The following LSAMP variants were observed in gnomAD, a reference collection of about 807,000 sequenced individuals.
LSAMP encodes limbic system-associated membrane protein.
LSAMP carries 7 observed loss-of-function variants against 38.6 expected under a neutral mutation model. That is an observed-to-expected ratio of 0.18 (90% confidence interval 0.10 to 0.34). The LOEUF (loss-of-function observed/expected upper bound fraction) is 0.34, where lower values mean the gene tolerates loss of function less well. Among genes scored for constraint, LSAMP ranks in the 10% least tolerant of loss-of-function variants. The pLI is 1.00. For missense variants in LSAMP, 313 were observed against 420.0 expected, an observed-to-expected ratio of 0.75 and a Z score of 2.23; for synonymous variants, 154 against 166.8, an observed-to-expected ratio of 0.92 and a Z score of 0.59.
At chr3:116,131,939 T>G (rs2107503309) in intron 1 of LSAMP, among the ~76,000 whole-genome samples, 1 of 152,028 alleles carries the variant, frequency 6.6e-6, no homozygotes, top group South Asian at 2.1e-4. Context: ...GTGATTCTCG[T>G]GCCTCAGTCT....
At chr3:115,883,419 C>T (rs1262083683) in intron 3 of LSAMP, among the ~76,000 whole-genome samples, 1 of 152,060 alleles carries the variant, frequency 6.6e-6, no homozygotes, top group East Asian at 1.9e-4. Context: ...TAGTGCCAAC[C>T]TGCACTTGGC....
At chr3:115,964,289 A>C (rs190070836) in intron 3 of LSAMP, among the ~76,000 whole-genome samples, 102 of 152,358 alleles carry the variant, frequency 6.7e-4, no homozygotes, top group Admixed American at 2.0e-3. Context: ...TCACATATCA[A>C]CTAGAGTAAG....
rs1464446251 is a variant in LSAMP, at chr3:116,349,715, G to A, written c.155+95162C>T. On this transcript the variant is annotated intron_variant, in intron 1 of 6. Coordinates refer to ENST00000490035, the MANE Select transcript of LSAMP (RefSeq NM_002338.5). Reference sequence around the variant, plus strand: ...AAATATATATTATATCTGGTGCTAAGTGTTACAGGAAAAAAATAAAGCAAT... The same window carrying A: ...AAATATATATTATATCTGGTGCTAAATGTTACAGGAAAAAAATAAAGCAAT... 2.6e-5 allele frequency among the ~76,000 whole-genome samples: 4 copies of A among 151,942 alleles called. No homozygotes were observed. The South Asian group carries it at 8.3e-4, about 31-fold the overall frequency.
At chr3:116,023,631 CT>C (rs1940701873) in intron 2 of LSAMP, among the ~76,000 whole-genome samples, 2 of 145,148 alleles carry the variant, frequency 1.4e-5, no homozygotes, top group Non-Finnish European at 3.0e-5. Flanking sequence ...AAAACGGTTT[CT>C]TTGCCTCTAG....
chr3:115,933,092 A>G (rs1937607405), intron 3 of LSAMP, among the ~76,000 whole-genome samples: 1 of 152,226 alleles, frequency 6.6e-6, no homozygotes, highest in Admixed American at 6.5e-5. Context: ...GTCGGAGCAT[A>G]GACCTCGCGA....
At chr3:115,993,671 A>G (rs1939735914) in intron 3 of LSAMP, among the ~76,000 whole-genome samples, 1 of 152,082 alleles carries the variant, frequency 6.6e-6, no homozygotes, top group African/African-American at 2.4e-5. Flanking sequence ...TTTTGCCCTC[A>G]AAATTATGAC....
intron 6 of LSAMP, among the ~76,000 whole-genome samples, chr3:115,840,850 GGTTT>G (rs1934975485): frequency 6.6e-6 from 1 of 151,860 alleles, no homozygotes; most frequent in African/African-American, 2.4e-5. Context: ...AAAACTTAGT[GGTTT>G]GTTATTCCAA....
At chr3:116,044,087 A>G (rs1029382515) in intron 2 of LSAMP, among the ~76,000 whole-genome samples, 1 of 152,238 alleles carries the variant, frequency 6.6e-6, no homozygotes, top group Admixed American at 6.5e-5. Context: ...TAATTAATAT[A>G]TTACCTATTA....
chr3:115,975,834 C>T (rs1485319633), intron 3 of LSAMP, among the ~76,000 whole-genome samples: 2 of 152,094 alleles, frequency 1.3e-5, no homozygotes, highest in African/African-American at 2.4e-5. Context: ...CATTTCTAAC[C>T]ATCCACACAG....
intron 1 of LSAMP, among the ~76,000 whole-genome samples, chr3:116,225,058 G>C (rs2046327756): frequency 6.6e-6 from 1 of 152,154 alleles, no homozygotes; most frequent in Admixed American, 6.5e-5. Flanking sequence ...AAGCAGATAT[G>C]AAGGGACATT....
At chr3:116,419,990 G>A (rs533315647) in intron 1 of LSAMP, among the ~76,000 whole-genome samples, 7 of 152,242 alleles carry the variant, frequency 4.6e-5, no homozygotes, top group African/African-American at 1.7e-4. Context: ...TATTCTTGTT[G>A]AATGCTAAGG....
chr3:115,929,093 G>T (rs1440591487), intron 3 of LSAMP, among the ~76,000 whole-genome samples: 1 of 151,254 alleles, frequency 6.6e-6, no homozygotes, highest in African/African-American at 2.4e-5. Flanking sequence ...ATAGAGGGGT[G>T]TCCCTAGAGC....
At chr3:116,436,911 T>C (rs1432173821) in intron 1 of LSAMP, among the ~76,000 whole-genome samples, 1 of 151,910 alleles carries the variant, frequency 6.6e-6, no homozygotes, top group Non-Finnish European at 1.5e-5. Flanking sequence ...AGCAGCACAA[T>C]TCACAACTGC....
At chr3:116,263,979 C>T (rs989029639) in intron 1 of LSAMP, among the ~76,000 whole-genome samples, 1 of 152,172 alleles carries the variant, frequency 6.6e-6, no homozygotes, top group African/African-American at 2.4e-5. Flanking sequence ...CAGAACATCT[C>T]CTAGAGGCTT....
intron 6 of LSAMP, among the ~76,000 whole-genome samples, chr3:115,840,960 G>T (rs981216841): frequency 1.3e-5 from 2 of 152,138 alleles, no homozygotes; most frequent in Non-Finnish European, 2.9e-5. Flanking sequence ...TGCTTATTCT[G>T]ACAAATGTGT....
chr3:116,430,936 C>T (rs2049272270), intron 1 of LSAMP, among the ~76,000 whole-genome samples: 1 of 151,416 alleles, frequency 6.6e-6, no homozygotes, highest in African/African-American at 2.4e-5. Flanking sequence ...TTTCATCTTC[C>T]TTTCTTCTTT....
chr3:116,075,039 T>TG (rs1249209611), intron 2 of LSAMP, among the ~76,000 whole-genome samples: 3 of 152,086 alleles, frequency 2.0e-5, no homozygotes, highest in Non-Finnish European at 4.4e-5. Flanking sequence ...GGTTTCTCCA[T>TG]GTTGGTCAAG....
intron 1 of LSAMP, among the ~76,000 whole-genome samples, chr3:116,444,542 T>A (rs554383842): frequency 6.6e-6 from 1 of 152,090 alleles, no homozygotes; most frequent in South Asian, 2.1e-4. Flanking sequence ...ATTACAATAG[T>A]GAGAATACTG....
intron 1 of LSAMP, among the ~76,000 whole-genome samples, chr3:116,351,691 CTG>C (rs1402281507): frequency 6.6e-6 from 1 of 152,046 alleles, no homozygotes; most frequent in African/African-American, 2.4e-5. Context: ...GCCCTAGAAA[CTG>C]TTGTCTGTTT....
Sources: allele counts gnomAD v4.1 joint callset (sites outside exome capture counted in the v4.1 genomes callset), GRCh38; gene constraint gnomAD v4.1.1; transcripts MANE v1.5; gene names NCBI Gene and HGNC (gene_info 2026-07-23, HGNC 2026-07-21).